ZFP2: variants seen among roughly 807,000 people sequenced by gnomAD.
The protein encoded by ZFP2 is ZFP2 zinc finger protein.
In ZFP2, 33 loss-of-function variants were observed where a neutral mutation model predicts 36.1. The observed-to-expected ratio is 0.92, with a 90% CI of 0.69 to 1.22. ZFP2 has a LOEUF of 1.22. Among genes scored for constraint, ZFP2 ranks in the 50% most tolerant of loss-of-function variants. ZFP2 has a pLI of 0.00. For missense variants in ZFP2, 522 were observed against 551.4 expected (o/e 0.95, Z 0.53); for synonymous variants, 170 against 178.0 (o/e 0.96, Z 0.36).
chr5:178,925,726 A>G (rs1345362185), intron 4 of ZFP2, among the ~76,000 whole-genome samples: 1 of 149,026 alleles, frequency 6.7e-6, no homozygotes, highest in Non-Finnish European at 1.5e-5. Flanking sequence ...TCTTTTGCCC[A>G]TTTTTCTAGT....
rs1292503398 is a variant in ZFP2, at chr5:178,931,283, T to G, written c.-31T>G. 1 of 1,540,018 alleles carries G rather than the reference T, an allele frequency of 6.5e-7. No individual in the cohort carries two copies. Among genetic ancestry groups the G allele is most frequent in the Non-Finnish European group, 8.7e-7 (1 of 1,147,996 alleles). ...CCAAAGAGCCAACTCCGAAGCCGGG[T>G]ATTACTGAAGATTTATGCCATGGGG... On this transcript the variant is annotated 5_prime_UTR_variant, in exon 5 of 5. Transcript: ENST00000361362.
At chr5:178,915,753 C>T (rs1246318020) in intron 3 of ZFP2, 1 of 151,992 alleles carries the variant, frequency 6.6e-6, no homozygotes, top group African/African-American at 2.4e-5. Context: ...TCACTTCAAC[C>T]CGGGAGGCTG....
At chr5:178,917,248 T>C (rs1017664363) in intron 4 of ZFP2, among the ~76,000 whole-genome samples, 1 of 152,204 alleles carries the variant, frequency 6.6e-6, no homozygotes, top group Non-Finnish European at 1.5e-5. Context: ...TTCTATAATC[T>C]TTTTAGCTCT....
Position 178,911,714 on chromosome 5 carries a change from C to T in ZFP2, c.-449-870C>T, listed in dbSNP as rs138864602. On this transcript the variant is annotated intron_variant, in intron 1 of 4. Transcript: ENST00000361362. ...ATTCAAGGGTCAGTTGTACTTTCTCCCTTTTCCTTATTTACATATCAAAAT... is the reference window on the plus strand; with the variant it reads ...ATTCAAGGGTCAGTTGTACTTTCTCTCTTTTCCTTATTTACATATCAAAAT... Among the ~76,000 whole-genome samples the T allele has an allele frequency of 5.9e-5, 9 of 152,246 alleles. 1 individual carries two copies. Among genetic ancestry groups the T allele is most frequent in the African/African-American group, 2.2e-4 (9 of 41,548 alleles).
intron 4 of ZFP2, among the ~76,000 whole-genome samples, chr5:178,927,649 A>C (rs959067319): frequency 6.8e-6 from 1 of 145,988 alleles, no homozygotes; most frequent in African/African-American, 2.6e-5. Context: ...GGTGCACACC[A>C]TCATACCTGG....
At chr5:178,905,948 C>T (rs1758156504) in intron 1 of ZFP2, among the ~76,000 whole-genome samples, 1 of 152,004 alleles carries the variant, frequency 6.6e-6, no homozygotes, top group Admixed American at 6.6e-5. Context: ...GACAAGGTTT[C>T]GTCATGTTAC....
intron 4 of ZFP2, among the ~76,000 whole-genome samples, chr5:178,926,365 A>G (rs2113118877): frequency 6.6e-6 from 1 of 152,098 alleles, no homozygotes; most frequent in South Asian, 2.1e-4. Flanking sequence ...TGGACTTTGT[A>G]TTTGTCTAAT....
At chr5:178,904,525 A>T (rs1202964170) in intron 1 of ZFP2, among the ~76,000 whole-genome samples, 2 of 151,608 alleles carry the variant, frequency 1.3e-5, no homozygotes, top group African/African-American at 4.8e-5. Context: ...AAATTGTCAC[A>T]TATATATGAA....
intron 4 of ZFP2, among the ~76,000 whole-genome samples, chr5:178,920,200 A>G (rs1045220816): frequency 1.3e-5 from 2 of 151,894 alleles, no homozygotes; most frequent in African/African-American, 4.8e-5. Flanking sequence ...TTTTTTCTCA[A>G]TCTTTTCTCT....
chr5:178,910,331 C>G (rs1758266260), intron 1 of ZFP2: 1 of 1,171,828 alleles, frequency 8.5e-7, no homozygotes, highest in African/African-American at 1.5e-5. Context: ...CCTTGTAGCA[C>G]CTGAACAGTT....
Position 178,918,767 on chromosome 5 carries a change from A to G in ZFP2, c.-78+2057A>G, listed in dbSNP as rs901967201. On this transcript the variant is annotated intron_variant, in intron 4 of 4. Coordinates refer to ENST00000361362, the MANE Select transcript of ZFP2 (RefSeq NM_030613.4). ...ATGTAAAATAGTAATGATGGTAATGATAACAGCTAATAATCACTGGATCCT... is the reference window on the plus strand; with the variant it reads ...ATGTAAAATAGTAATGATGGTAATGGTAACAGCTAATAATCACTGGATCCT... 2.6e-5 allele frequency among the ~76,000 whole-genome samples: 4 copies of G among 152,248 alleles called. No homozygotes were observed. The South Asian group carries it at 8.3e-4, about 31-fold the overall frequency.
At chr5:178,899,483 T>C (rs149132196) in intron 1 of ZFP2, among the ~76,000 whole-genome samples, 423 of 152,246 alleles carry the variant, frequency 2.8e-3, no homozygotes, top group African/African-American at 9.7e-3. Context: ...AGAGGTGGAC[T>C]GAAGGGGGCA....
At chr5:178,911,503 T>C (rs1485839627) in intron 1 of ZFP2, among the ~76,000 whole-genome samples, 1 of 152,148 alleles carries the variant, frequency 6.6e-6, no homozygotes, top group Non-Finnish European at 1.5e-5. Flanking sequence ...CGTCTGTATG[T>C]GAAGACAAGG....
Position 178,931,893 on chromosome 5 carries a change from G to C in ZFP2, c.580G>C (p.Ala194Pro), listed in dbSNP as rs768432878. Residue 194 changes from alanine to proline, a missense_variant, in exon 5 of 5, where the codon GCC becomes CCC. By Grantham distance (27) the Ala-to-Pro change is conservative. Coordinates refer to ENST00000361362, the MANE Select transcript of ZFP2 (RefSeq NM_030613.4). ...CTATCAGTGTAAAGAGTGTGGCAAA[G>C]CCTTCCATAAGAATTCATCTCTTAT... ...KPYQCKECGK[A>P]FHKNSSLIQH... The C allele has an allele frequency of 1.7e-5, 28 of 1,612,632 alleles. No homozygotes were observed. The highest frequency in any genetic ancestry group is 2.3e-5 in the Non-Finnish European group (27 of 1,178,964).
At chr5:178,900,249 C>G (rs1268940146) in intron 1 of ZFP2, among the ~76,000 whole-genome samples, 1 of 152,230 alleles carries the variant, frequency 6.6e-6, no homozygotes, top group Admixed American at 6.5e-5. Context: ...ATTTATGCAC[C>G]AACATAGCCA....
At chr5:178,909,565 G>T in intron 1 of ZFP2, 4 of 668,232 alleles carry the variant, frequency 6.0e-6, no homozygotes, top group Non-Finnish European at 8.5e-6. Context: ...AGCCCCCACG[G>T]CCTGGTGTTG....
At chr5:178,898,859 T>C (rs1264388549) in intron 1 of ZFP2, among the ~76,000 whole-genome samples, 1 of 152,242 alleles carries the variant, frequency 6.6e-6, no homozygotes, top group East Asian at 1.9e-4. Flanking sequence ...TGCTGTGTTC[T>C]TGGTGCTGTT....
chr5:178,921,117 T>C (rs926834622), intron 4 of ZFP2, among the ~76,000 whole-genome samples: 1 of 152,180 alleles, frequency 6.6e-6, no homozygotes, highest in Non-Finnish European at 1.5e-5. Flanking sequence ...GTGGCCAGTA[T>C]GGAATTTAAG....
chr5:178,929,228 C>A (rs893984363), intron 4 of ZFP2, among the ~76,000 whole-genome samples: 1 of 150,336 alleles, frequency 6.7e-6, no homozygotes, highest in African/African-American at 2.4e-5. Flanking sequence ...TCTTGGCTTA[C>A]TAGTACTTGG....
Sources: gnomAD v4.1 joint callset for allele counts (sites outside exome capture counted in the v4.1 genomes callset) on GRCh38, gnomAD v4.1.1 for gene constraint, MANE v1.5 for transcripts, NCBI Gene and HGNC (gene_info 2026-07-23, HGNC 2026-07-21) for gene names.